The following PTPRD variants were observed in gnomAD, a reference collection of about 807,000 sequenced individuals.
The protein encoded by PTPRD is receptor-type tyrosine-protein phosphatase delta.
PTPRD carries 34 observed loss-of-function variants against 214.5 expected under a neutral mutation model. The ratio of observed to expected loss-of-function variants is 0.16; its 90% CI spans 0.12 to 0.21. PTPRD has a LOEUF of 0.21. PTPRD is among the 10% of genes least tolerant of loss of function. The pLI, the probability that PTPRD is intolerant of heterozygous loss-of-function variation, is 1.00. For synonymous variants in PTPRD, 1,128 were observed against 845.7 expected, an observed-to-expected ratio of 1.33 and a Z score of -5.79; for missense variants, 2,545 against 2,398.7, an observed-to-expected ratio of 1.06 and a Z score of -1.27.
intron 7 of PTPRD, among the ~76,000 whole-genome samples, chr9:9,644,044 T>C (rs77357214): frequency 0.026 from 3,960 of 152,304 alleles, 175 homozygotes; most frequent in African/African-American, 0.091. Context: ...ATATGCTTTT[T>C]AAAATGCTGG....
At chr9:8,664,041 T>A (rs1596369642) in intron 12 of PTPRD, among the ~76,000 whole-genome samples, 1 of 152,270 alleles carries the variant, frequency 6.6e-6, no homozygotes, top group Admixed American at 6.5e-5. Context: ...TTTCATTATC[T>A]CTACCATGTC....
intron 7 of PTPRD, among the ~76,000 whole-genome samples, chr9:9,596,361 C>T (rs554688350): frequency 6.6e-6 from 1 of 151,862 alleles, no homozygotes; most frequent in Non-Finnish European, 1.5e-5. Flanking sequence ...TTTACATATT[C>T]GGTAAAATAT....
rs116274263 is a variant in PTPRD, at chr9:9,900,126, T to C, written c.-368+38381A>G. ...AGCAAGTGGTTGTTCCACAGCTGCA[T>C]TAAGTTCTTCCCTGAAAACACTCCT... On this transcript the variant is annotated intron_variant, in intron 5 of 45. Transcript: ENST00000381196. Among the ~76,000 whole-genome samples the C allele has an allele frequency of 6.6e-3, 1,000 of 152,276 alleles. 14 individuals are homozygous for C. The highest frequency in any genetic ancestry group is 0.023 in the African/African-American group (956 of 41,560).
intron 11 of PTPRD, among the ~76,000 whole-genome samples, chr9:8,843,849 G>C (rs1279241381): frequency 6.6e-6 from 1 of 152,170 alleles, no homozygotes; most frequent in Non-Finnish European, 1.5e-5. Context: ...AGGTTCCAAA[G>C]ACCAAGATGG....
intron 8 of PTPRD, among the ~76,000 whole-genome samples, chr9:9,467,900 C>T (rs1025574083): frequency 6.6e-6 from 1 of 152,056 alleles, no homozygotes; most frequent in Admixed American, 6.6e-5. Flanking sequence ...TTTGGTATGT[C>T]AATTTTTAAC....
intron 7 of PTPRD, among the ~76,000 whole-genome samples, chr9:9,721,148 T>C (rs887299398): frequency 2.1e-5 from 3 of 143,292 alleles, no homozygotes; most frequent in Non-Finnish European, 4.5e-5. Context: ...AAAAATTAAA[T>C]AAAATACTAA....
At chr9:8,930,108 A>AC (rs1213715440) in intron 11 of PTPRD, among the ~76,000 whole-genome samples, 50 of 117,512 alleles carry the variant, frequency 4.3e-4, no homozygotes, top group Admixed American at 2.0e-3. Flanking sequence ...TATCCCTCCC[A>AC]CCCCCCCCCA....
At chr9:9,813,413 C>A (rs2047772382) in intron 5 of PTPRD, among the ~76,000 whole-genome samples, 1 of 151,548 alleles carries the variant, frequency 6.6e-6, no homozygotes, top group African/African-American at 2.4e-5. Flanking sequence ...AAAGACAGAG[C>A]TCAATAAATT....
chr9:10,449,067 C>T (rs947958025), intron 2 of PTPRD, among the ~76,000 whole-genome samples: 4 of 151,350 alleles, frequency 2.6e-5, no homozygotes, highest in Non-Finnish European at 4.4e-5. Context: ...CTCCCACTTT[C>T]CACGGTCTCC....
chr9:8,364,747 T>A (rs1200749175), intron 39 of PTPRD, among the ~76,000 whole-genome samples: 2 of 152,252 alleles, frequency 1.3e-5, no homozygotes, highest in Non-Finnish European at 2.9e-5. Context: ...TACGATTTTC[T>A]GCTGCGGTAG....
At chr9:10,024,402 C>CT (rs1240285374) in intron 4 of PTPRD, among the ~76,000 whole-genome samples, 1 of 152,010 alleles carries the variant, frequency 6.6e-6, no homozygotes, top group African/African-American at 2.4e-5. Context: ...AATGGAACCC[C>CT]TTATTATATA....
chr9:10,365,235 G>A (rs1468843667), intron 2 of PTPRD, among the ~76,000 whole-genome samples: 4 of 151,994 alleles, frequency 2.6e-5, no homozygotes, highest in African/African-American at 7.3e-5. Context: ...CTTTCCACTT[G>A]CAGGTTAAAA....
intron 11 of PTPRD, among the ~76,000 whole-genome samples, chr9:8,813,685 C>G (rs1288298806): frequency 1.3e-5 from 2 of 152,206 alleles, no homozygotes; most frequent in Admixed American, 6.5e-5. Flanking sequence ...CCTCCTCTCT[C>G]CTTTCATGAG....
At chr9:10,611,375 ATGTTAT>A in intron 2 of PTPRD, among the ~76,000 whole-genome samples, 1 of 152,348 alleles carries the variant, frequency 6.6e-6, no homozygotes, top group South Asian at 2.1e-4. Context: ...AAATGCTGAA[ATGTTAT>A]TGATTCTCTC....
intron 12 of PTPRD, chr9:8,713,377 C>A (rs1014441550): frequency 2.8e-6 from 3 of 1,068,902 alleles, no homozygotes; most frequent in Non-Finnish European, 4.3e-6. Context: ...TCCCAAATGC[C>A]ACACACCGCC....
At chr9:8,351,709 G>A (rs2075500633) in intron 39 of PTPRD, among the ~76,000 whole-genome samples, 3 of 131,640 alleles carry the variant, frequency 2.3e-5, no homozygotes. Context: ...GGATATAGGA[G>A]TCATTGTAGA....
chr9:8,447,755 A>C (rs2095792176), intron 34 of PTPRD, among the ~76,000 whole-genome samples: 1 of 151,928 alleles, frequency 6.6e-6, no homozygotes. Flanking sequence ...TCAACCTTAT[A>C]CTGTGTTTCT....
intron 11 of PTPRD, among the ~76,000 whole-genome samples, chr9:8,897,097 T>C (rs1216353508): frequency 6.6e-6 from 1 of 152,218 alleles, no homozygotes; most frequent in African/African-American, 2.4e-5. Context: ...ATTTTCATTA[T>C]GAAACTCTTA....
chr9:8,739,173 C>T (rs1006210862), intron 11 of PTPRD, among the ~76,000 whole-genome samples: 5 of 152,218 alleles, frequency 3.3e-5, no homozygotes, highest in African/African-American at 1.2e-4. Context: ...TACAGCAAAC[C>T]TGACAGAGGC....
Sources: gnomAD v4.1 joint callset for allele counts (sites outside exome capture counted in the v4.1 genomes callset) on GRCh38, gnomAD v4.1.1 for gene constraint, MANE v1.5 for transcripts, NCBI Gene and HGNC (gene_info 2026-07-23, HGNC 2026-07-21) for gene names.